Variants in MTA3 observed in about 807,000 individuals in gnomAD.
The protein encoded by MTA3 is metastasis-associated protein MTA3.
MTA3 carries 34 observed loss-of-function variants against 83.5 expected under a neutral mutation model. That is an observed-to-expected ratio of 0.41 (90% confidence interval 0.31 to 0.54). The LOEUF (loss-of-function observed/expected upper bound fraction) is 0.54, where lower values mean the gene tolerates loss of function less well. Ranked by LOEUF, MTA3 falls within the 20% of genes least tolerant of loss-of-function variation. The pLI, the probability that MTA3 is intolerant of heterozygous loss-of-function variation, is 0.33. For synonymous variants in MTA3, 303 were observed against 252.7 expected, an observed-to-expected ratio of 1.20 and a Z score of -1.89; for missense variants, 761 against 726.4, an observed-to-expected ratio of 1.05 and a Z score of -0.55.
intron 2 of MTA3, among the ~76,000 whole-genome samples, chr2:42,510,848 T>C (rs1674867256): frequency 6.6e-6 from 1 of 152,106 alleles, no homozygotes; most frequent in South Asian, 2.1e-4. Context: ...ACAGGACATA[T>C]TCAAACAGCT....
intron 16 of MTA3, among the ~76,000 whole-genome samples, chr2:42,733,963 C>A (rs1479145839): frequency 6.6e-6 from 1 of 152,110 alleles, no homozygotes; most frequent in Non-Finnish European, 1.5e-5. Context: ...ATGGTCTGTC[C>A]TATGATCCAC....
intron 2 of MTA3, among the ~76,000 whole-genome samples, chr2:42,524,606 G>A (rs866566603): frequency 6.7e-6 from 1 of 150,302 alleles, no homozygotes; most frequent in African/African-American, 2.4e-5. Context: ...TTACAGGTGT[G>A]AGCCACCGCG....
chr2:42,722,950 T>C lies in MTA3; in HGVS notation c.1674T>C (p.Thr558=), dbSNP rs1254435937. 29 of 1,551,188 alleles carry C rather than the reference T, an allele frequency of 1.9e-5. No homozygotes were observed. Among genetic ancestry groups the C allele is most frequent in the Non-Finnish European group, 2.4e-5 (27 of 1,147,122 alleles). The change falls in exon 16 of 17, where the codon ACT becomes ACC. Residue 558 remains threonine (T), a synonymous_variant. Coordinates refer to ENST00000405094, the MANE Select transcript of MTA3 (RefSeq NM_001330442.2). ...CTACACCAAGCCTGCAAACCCCAAC[T>C]ACCAAGCGGATGCTAACAACTCCAA... ...IRSTPSLQTP[T]TKRMLTTPNH...
intron 9 of MTA3, among the ~76,000 whole-genome samples, chr2:42,683,492 C>A (rs1303266268): frequency 2.0e-5 from 3 of 152,042 alleles, no homozygotes; most frequent in Admixed American, 1.3e-4. Flanking sequence ...CAGGATGATT[C>A]AGGTGCATTA....
intron 2 of MTA3, among the ~76,000 whole-genome samples, chr2:42,577,103 A>ATATATATAT (rs751491575): frequency 4.1e-5 from 3 of 73,572 alleles, no homozygotes; most frequent in African/African-American, 1.9e-4. Context: ...AAAAAAAAAA[A>ATATATATAT]AAATATATAT....
chr2:42,722,940 A>G lies in MTA3; in HGVS notation c.1664A>G (p.Gln555Arg), dbSNP rs1317375248. The G allele has an allele frequency of 1.3e-6, 2 of 1,551,244 alleles. No individual in the cohort carries two copies. Among genetic ancestry groups the G allele is most frequent in the Non-Finnish European group, 1.7e-6 (2 of 1,147,140 alleles). Reference sequence around the variant, plus strand: ...GTAATTCGATCTACACCAAGCCTGCAAACCCCAACTACCAAGCGGATGCTA... The same window carrying G: ...GTAATTCGATCTACACCAAGCCTGCGAACCCCAACTACCAAGCGGATGCTA... The part of the protein sequence containing the change: ...PNVIRSTPSL[Q>R]TPTTKRMLTT... Residue 555 changes from glutamine to arginine, a missense_variant, in exon 16 of 17, where the codon CAA (glutamine) becomes CGA (arginine). Transcript: ENST00000405094.
intron 11 of MTA3, among the ~76,000 whole-genome samples, chr2:42,701,925 A>G (rs2104487990): frequency 7.7e-6 from 1 of 129,820 alleles, no homozygotes; most frequent in South Asian, 2.5e-4. Flanking sequence ...AAAAAAAATA[A>G]ATAGGCTGGG....
At chr2:42,607,647 C>G (rs1178404220) in intron 3 of MTA3, among the ~76,000 whole-genome samples, 1 of 152,282 alleles carries the variant, frequency 6.6e-6, no homozygotes, top group East Asian at 1.9e-4. Flanking sequence ...CCTGGCCTGT[C>G]TAACTTTAAA....
intron 16 of MTA3, among the ~76,000 whole-genome samples, chr2:42,739,228 A>T (rs1573816532): frequency 3.3e-5 from 5 of 152,122 alleles, no homozygotes; most frequent in Admixed American, 3.3e-4. Context: ...TCTCTTTTGT[A>T]CACTGTCCCT....
intron 8 of MTA3, among the ~76,000 whole-genome samples, chr2:42,661,428 G>A (rs1365036516): frequency 6.7e-6 from 1 of 149,328 alleles, no homozygotes; most frequent in Non-Finnish European, 1.5e-5. Flanking sequence ...TTGAGCCTGG[G>A]AGGAGAGGTT....
At position 42,656,485 on chromosome 2, in the gene MTA3, G is replaced by A. The variant is rs146919408; in HGVS notation, c.602+183G>A. On this transcript the variant is annotated intron_variant, in intron 7 of 16. Transcript: ENST00000405094. ...AATTTTATTAATTTCTGTTTTAAAT[G>A]AAAATAGTTGTATTAATTTTTACTG... Among the ~76,000 whole-genome samples the A allele has an allele frequency of 6.6e-5, 10 of 152,202 alleles. No individual in the cohort carries two copies. In the East Asian group the frequency reaches 1.9e-3, roughly 29 times the overall value.
chr2:42,645,437 A>T (rs1007984539), intron 6 of MTA3, among the ~76,000 whole-genome samples: 3 of 152,160 alleles, frequency 2.0e-5, no homozygotes, highest in Admixed American at 6.6e-5. Flanking sequence ...AGGCAAGAGA[A>T]TCCTTTGAAC....
rs1280172188 is a variant in MTA3 at position 42,570,444 on chromosome 2, C to T, written c.36C>T (p.Val12=). 4 of 1,533,826 alleles carry T rather than the reference C, an allele frequency of 2.6e-6. No homozygotes were observed. In the South Asian group the frequency reaches 4.8e-5, roughly 18 times the overall value. The change falls in exon 2 of 17, where the codon GTC becomes GTT. Residue 12 remains valine (V), a synonymous_variant. Coordinates refer to ENST00000405094, the MANE Select transcript of MTA3 (RefSeq NM_001330442.2). ...TACTTCCTTTAATTACAGATTATGT[C>T]TACTTTGAGAATTCCTCCAGCAACC... ...AANMYRVGDY[V]YFENSSSNPY...
chr2:42,561,603 G>A (rs1255808662), intron 2 of MTA3, among the ~76,000 whole-genome samples: 1 of 152,148 alleles, frequency 6.6e-6, no homozygotes, highest in Non-Finnish European at 1.5e-5. Flanking sequence ...GATTACAGGC[G>A]TGAGCCACCG....
intron 8 of MTA3, among the ~76,000 whole-genome samples, chr2:42,678,755 A>G (rs183522564): frequency 6.6e-6 from 1 of 152,300 alleles, no homozygotes; most frequent in East Asian, 1.9e-4. Flanking sequence ...TACCCTTATC[A>G]TTATCTTAGT....
At chr2:42,675,368 T>G (rs1390212674) in intron 8 of MTA3, among the ~76,000 whole-genome samples, 1 of 152,150 alleles carries the variant, frequency 6.6e-6, no homozygotes, top group Non-Finnish European at 1.5e-5. Context: ...ACTCCTGACC[T>G]CGTGGTCCGC....
chr2:42,704,534 G>C (rs934393463), intron 12 of MTA3, among the ~76,000 whole-genome samples: 1 of 152,134 alleles, frequency 6.6e-6, no homozygotes, highest in Non-Finnish European at 1.5e-5. Context: ...TTAGGCATTG[G>C]ATTTCCCTTG....
chr2:42,659,935 A>G lies in MTA3; in HGVS notation c.702+73A>G, dbSNP rs1573512805. On this transcript the variant is annotated intron_variant, in intron 8 of 16. Transcript: ENST00000405094. The stretch of plus-strand genomic sequence containing the variant: ...GTTTAATTTTAAAGCCATTGTGGCA[A>G]TACTGTAGACCGGGAGCTTTTGGGC... 8.1e-6 allele frequency: 10 copies of G among 1,227,402 alleles called. No individual in the cohort carries two copies. In the Admixed American group the frequency reaches 1.7e-4, roughly 21 times the overall value. 76.0% of individuals were successfully genotyped at this position (1,227,402 alleles called of 1,614,324 possible).
chr2:42,498,014 A>C (rs562601109), intron 2 of MTA3, among the ~76,000 whole-genome samples: 1 of 152,258 alleles, frequency 6.6e-6, no homozygotes, highest in East Asian at 1.9e-4. Flanking sequence ...TTCCTCCATC[A>C]CTTTGCATTG....
Sources: gnomAD v4.1 joint callset for allele counts (sites outside exome capture counted in the v4.1 genomes callset) on GRCh38, gnomAD v4.1.1 for gene constraint, MANE v1.5 for transcripts, NCBI Gene and HGNC (gene_info 2026-07-23, HGNC 2026-07-21) for gene names.